Variants in CCDC88C observed in about 807,000 individuals in gnomAD.
The protein encoded by CCDC88C is protein Daple.
Under a neutral mutation model 198.8 loss-of-function variants are expected in CCDC88C, and 131 were observed. The ratio of observed to expected loss-of-function variants is 0.66; its 90% CI spans 0.57 to 0.76. CCDC88C has a LOEUF of 0.76. Among genes scored for constraint, CCDC88C ranks in the 30% least tolerant of loss-of-function variants. The pLI is 0.00. For missense variants in CCDC88C, 2,553 were observed against 2,631.6 expected (o/e 0.97, Z 0.65); for synonymous variants, 1,166 against 1,114.7 (o/e 1.05, Z -0.92).
chr14:91,287,187 C>A (rs190661614), intron 25 of CCDC88C, among the ~76,000 whole-genome samples: 1 of 152,120 alleles, frequency 6.6e-6, no homozygotes, highest in African/African-American at 2.4e-5. Flanking sequence ...AATATAAAAA[C>A]CTGAGGCAAC....
intron 20 of CCDC88C, 118 bp downstream of exon 20, chr14:91,303,583 G>A (rs1376348140): frequency 1.9e-5 from 16 of 834,728 alleles, no homozygotes; most frequent in Non-Finnish European, 2.2e-5. Context: ...ATCTTCCCCA[G>A]GCCCTGCCTC....
intron 3 of CCDC88C, among the ~76,000 whole-genome samples, chr14:91,363,994 G>T (rs1473503942): frequency 6.6e-6 from 1 of 152,270 alleles, no homozygotes; most frequent in Non-Finnish European, 1.5e-5. Flanking sequence ...CTGTGAGGCA[G>T]GACCACACCA....
intron 21 of CCDC88C, among the ~76,000 whole-genome samples, chr14:91,299,667 C>T (rs1388330242): frequency 1.3e-5 from 2 of 152,234 alleles, no homozygotes; most frequent in African/African-American, 4.8e-5. Context: ...GTGCCTGATG[C>T]AATCCTCACC....
chr14:91,371,380 G>C lies in CCDC88C; in HGVS notation c.271-11669C>G, dbSNP rs1894791421. ...AAACTACGGTATGCATGCAGGGTGG[G>C]CTGGGACAGGCATGACCCCCCCAGC... On this transcript the variant is annotated intron_variant, in intron 3 of 29. Transcript: ENST00000389857. The surrounding 1 kb of genome is among the most constrained non-coding windows in gnomAD (Gnocchi z 4.2). 6.6e-6 allele frequency among the ~76,000 whole-genome samples: 1 copy of C among 151,354 alleles called. No homozygotes were observed. Among genetic ancestry groups the C allele is most frequent in the African/African-American group, 2.5e-5 (1 of 40,648 alleles).
intron 3 of CCDC88C, among the ~76,000 whole-genome samples, chr14:91,376,113 G>A (rs1412077718): frequency 6.6e-6 from 1 of 151,468 alleles, no homozygotes; most frequent in African/African-American, 2.4e-5. Flanking sequence ...CCTTTAGGCT[G>A]TGGCAGCCAG....
At chr14:91,388,771 C>T (rs1885304271) in intron 3 of CCDC88C, among the ~76,000 whole-genome samples, 1 of 152,138 alleles carries the variant, frequency 6.6e-6, no homozygotes, top group Non-Finnish European at 1.5e-5. Flanking sequence ...ACACTTGCAG[C>T]GAGGGATGTG....
chr14:91,364,332 A>T (rs1231164978), intron 3 of CCDC88C, among the ~76,000 whole-genome samples: 2 of 152,212 alleles, frequency 1.3e-5, no homozygotes, highest in African/African-American at 4.8e-5. Context: ...CGGATCCTAA[A>T]ATAAGATTTT....
At chr14:91,332,140 A>C (rs1345331595) in intron 10 of CCDC88C, among the ~76,000 whole-genome samples, 1 of 152,224 alleles carries the variant, frequency 6.6e-6, no homozygotes, top group African/African-American at 2.4e-5. Flanking sequence ...CACTCCGCTC[A>C]GGATGCACAC....
At chr14:91,379,999 C>A in intron 3 of CCDC88C, 1 of 664,434 alleles carries the variant, frequency 1.5e-6, no homozygotes, top group Non-Finnish European at 2.7e-6. Flanking sequence ...GCGAGCCCAC[C>A]GTGAGAACCA....
At chr14:91,410,514 G>C (rs766658861) in intron 2 of CCDC88C, among the ~76,000 whole-genome samples, 2 of 152,144 alleles carry the variant, frequency 1.3e-5, no homozygotes, top group Non-Finnish European at 2.9e-5. Context: ...GTGTGGCCAA[G>C]TCATTTACAT....
At position 91,315,662 on chromosome 14, in the gene CCDC88C, G is replaced by T. The variant is rs895742767; in HGVS notation, c.1653C>A (p.Asp551Glu). The change falls in exon 14 of 30, where the codon GAC becomes GAA. Residue 551 changes from aspartate (D) to glutamate (E), a missense_variant. Physicochemically the swap from Asp to Glu is conservative, Grantham distance 45. Coordinates refer to ENST00000389857, the MANE Select transcript of CCDC88C (RefSeq NM_001080414.4). ...TGGAGGCACCTACCTGCCTGGCTTT[G>T]TCAGCCTTCAGGGTCTCCATGTCAC... Reference protein sequence around the residue: ...LQSDMETLKADKARQIKDLEQ... With the variant: ...LQSDMETLKAEKARQIKDLEQ... The T allele has an allele frequency of 6.2e-7, 1 of 1,613,786 alleles. No homozygotes were observed. Among genetic ancestry groups the T allele is most frequent in the African/African-American group, 1.3e-5 (1 of 74,886 alleles).
chr14:91,310,333 A>G (rs912586100), intron 15 of CCDC88C, among the ~76,000 whole-genome samples: 6 of 152,284 alleles, frequency 3.9e-5, no homozygotes, highest in African/African-American at 1.4e-4. Flanking sequence ...AGCAACAAGT[A>G]ATTAAAGGCC....
chr14:91,344,814 T>G (rs1463079837), intron 4 of CCDC88C, among the ~76,000 whole-genome samples: 4 of 151,288 alleles, frequency 2.6e-5, no homozygotes, highest in East Asian at 1.9e-4. Flanking sequence ...TTTTTTTTTC[T>G]GATACAGGTT....
intron 2 of CCDC88C, among the ~76,000 whole-genome samples, chr14:91,414,370 G>A (rs1042149213): frequency 2.6e-5 from 4 of 152,146 alleles, no homozygotes; most frequent in African/African-American, 9.7e-5. Context: ...GGAGGCCAAG[G>A]GTTTGAATCC....
At chr14:91,386,174 T>A (rs1885123723) in intron 3 of CCDC88C, among the ~76,000 whole-genome samples, 1 of 151,420 alleles carries the variant, frequency 6.6e-6, no homozygotes, top group African/African-American at 2.4e-5. Flanking sequence ...CCGGGCGCGG[T>A]GGCTCACGCT....
At chr14:91,374,168 A>G (rs1596127670) in intron 3 of CCDC88C, among the ~76,000 whole-genome samples, 1 of 152,188 alleles carries the variant, frequency 6.6e-6, no homozygotes, top group Non-Finnish European at 1.5e-5. Context: ...TGGGACCTCC[A>G]ACTAAACGCA....
At chr14:91,287,907 GA>G (rs1003113345) in intron 25 of CCDC88C, among the ~76,000 whole-genome samples, 2 of 152,240 alleles carry the variant, frequency 1.3e-5, no homozygotes, top group Admixed American at 1.3e-4. Flanking sequence ...AGGTAAAGCT[GA>G]AAATTTAACA....
chr14:91,300,177 T>C, intron 20 of CCDC88C, 107 bp from the exon 21 acceptor site: 1 of 1,448,982 alleles, frequency 6.9e-7, no homozygotes, highest in African/African-American at 1.4e-5. Flanking sequence ...ATGGGATTCC[T>C]CTGGAGAGTC....
chr14:91,282,590 T>C (rs1432087659), intron 26 of CCDC88C, among the ~76,000 whole-genome samples: 1 of 152,232 alleles, frequency 6.6e-6, no homozygotes, highest in Non-Finnish European at 1.5e-5. Flanking sequence ...TGAGCCATTC[T>C]GCTGGGACTC....
Sources: allele counts gnomAD v4.1 joint callset (sites outside exome capture counted in the v4.1 genomes callset), GRCh38; gene constraint gnomAD v4.1.1; non-coding constraint Gnocchi (gnomAD v3.1); transcripts MANE v1.5; gene names NCBI Gene and HGNC (gene_info 2026-07-23, HGNC 2026-07-21).